The following MGAT4C variants were observed in gnomAD, a reference collection of about 807,000 sequenced individuals.
The protein encoded by MGAT4C is MGAT4 family member C, also known as alpha-1,3-mannosyl-glycoprotein 4-beta-N-acetylglucosaminyltransferase C.
A neutral mutation model predicts 40.1 loss-of-function variants in MGAT4C; 19 were observed. The ratio of observed to expected loss-of-function variants is 0.47; its 90% CI spans 0.33 to 0.70. The LOEUF (loss-of-function observed/expected upper bound fraction) is 0.70, where lower values mean the gene tolerates loss of function less well. Among genes scored for constraint, MGAT4C ranks in the 30% least tolerant of loss-of-function variants. The probability of loss-of-function intolerance (pLI) is 0.02; values close to 1 mark genes in which losing one functional copy is unlikely to be tolerated. For synonymous variants in MGAT4C, 181 were observed against 187.1 expected (o/e 0.97, Z 0.27); for missense variants, 491 against 563.2 (o/e 0.87, Z 1.30).
chr12:86,303,422 A>G (rs1218901855), intron 4 of MGAT4C, among the ~76,000 whole-genome samples: 2 of 150,514 alleles, frequency 1.3e-5, no homozygotes, highest in Non-Finnish European at 2.9e-5. Context: ...GAATAGATGA[A>G]ATCAGAATCT....
intron 2 of MGAT4C, among the ~76,000 whole-genome samples, chr12:86,030,299 T>C (rs530622552): frequency 1.3e-5 from 2 of 151,884 alleles, no homozygotes; most frequent in African/African-American, 4.8e-5. Context: ...AGAATGACAC[T>C]GGAGTTGAAA....
intron 2 of MGAT4C, among the ~76,000 whole-genome samples, chr12:86,015,323 T>C (rs748119276): frequency 1.3e-5 from 2 of 151,998 alleles, no homozygotes; most frequent in African/African-American, 2.4e-5. Flanking sequence ...ACTGGAGTGC[T>C]TCTAGCACTG....
At chr12:86,083,437 T>C (rs554977211) in intron 1 of MGAT4C, among the ~76,000 whole-genome samples, 3 of 152,214 alleles carry the variant, frequency 2.0e-5, no homozygotes, top group East Asian at 3.9e-4. Context: ...TTTATAGTAC[T>C]GTCCGCAGGG....
At chr12:85,983,196 T>C (rs1208875634) in intron 4 of MGAT4C, among the ~76,000 whole-genome samples, 2 of 152,234 alleles carry the variant, frequency 1.3e-5, no homozygotes, top group African/African-American at 4.8e-5. Flanking sequence ...TTAGAAAATG[T>C]AGCAATATGA....
At chr12:86,427,641 A>G (rs1253518904) in intron 3 of MGAT4C, among the ~76,000 whole-genome samples, 2 of 152,194 alleles carry the variant, frequency 1.3e-5, no homozygotes. Flanking sequence ...CATTCCATTT[A>G]TACTTGTGGA....
chr12:86,206,129 G>T (rs916024196), intron 1 of MGAT4C, among the ~76,000 whole-genome samples: 1 of 152,108 alleles, frequency 6.6e-6, no homozygotes, highest in Non-Finnish European at 1.5e-5. Flanking sequence ...CAATGTGGCA[G>T]TATTGAGAGA....
chr12:86,261,429 T>C (rs879859040), intron 4 of MGAT4C, among the ~76,000 whole-genome samples: 2 of 152,050 alleles, frequency 1.3e-5, no homozygotes, highest in Non-Finnish European at 2.9e-5. Flanking sequence ...TTCTTACTGG[T>C]CAGTTAACAT....
intron 2 of MGAT4C, among the ~76,000 whole-genome samples, chr12:86,667,697 T>C (rs1302517017): frequency 6.6e-6 from 1 of 152,232 alleles, no homozygotes; most frequent in Non-Finnish European, 1.5e-5. Context: ...TATTTATGAA[T>C]ACTAAAATTT....
At chr12:86,740,081 G>A (rs1016336484) in intron 1 of MGAT4C, among the ~76,000 whole-genome samples, 3 of 150,892 alleles carry the variant, frequency 2.0e-5, no homozygotes, top group Non-Finnish European at 4.5e-5. Flanking sequence ...AAAGATACTT[G>A]AAGCAAAATG....
At chr12:86,556,873 T>C (rs1959636233) in intron 2 of MGAT4C, among the ~76,000 whole-genome samples, 1 of 152,206 alleles carries the variant, frequency 6.6e-6, no homozygotes, top group Non-Finnish European at 1.5e-5. Flanking sequence ...TGTTGCACGT[T>C]ACATTAATAT....
chr12:86,374,288 T>C (rs966956326), intron 3 of MGAT4C, among the ~76,000 whole-genome samples: 2 of 152,088 alleles, frequency 1.3e-5, no homozygotes, highest in Non-Finnish European at 2.9e-5. Flanking sequence ...CTGAAGGAAG[T>C]TGATTTCTGA....
At position 86,142,545 on chromosome 12, in the gene MGAT4C, T is replaced by C. The variant is rs11103866; in HGVS notation, c.-56-92822A>G. On this transcript the variant is annotated intron_variant, in intron 1 of 4. Transcript: ENST00000611864. Reference sequence around the variant, plus strand: ...TGTCTCAGTATATACCAATCCTGCTTTCTCTCATTTTCATAGCTGTAGTTC... The same window carrying C: ...TGTCTCAGTATATACCAATCCTGCTCTCTCTCATTTTCATAGCTGTAGTTC... Among the ~76,000 whole-genome samples the C allele has an allele frequency of 0.014, 2,143 of 152,312 alleles. 171 individuals carry two copies. The East Asian group carries it at 0.25, about 18-fold the overall frequency.
At chr12:86,273,544 T>TGCACTTAA (rs1324653782) in intron 4 of MGAT4C, among the ~76,000 whole-genome samples, 1 of 152,156 alleles carries the variant, frequency 6.6e-6, no homozygotes. Flanking sequence ...GCAACATACA[T>TGCACTTAA]AATCTTTAAT....
chr12:86,640,496 CTTCT>C (rs1747981221), intron 2 of MGAT4C, among the ~76,000 whole-genome samples: 1 of 151,642 alleles, frequency 6.6e-6, no homozygotes, highest in Non-Finnish European at 1.5e-5. Flanking sequence ...TCTCTCTTTT[CTTCT>C]TTATTAGTCT....
At chr12:86,466,701 T>C (rs926534056) in intron 2 of MGAT4C, among the ~76,000 whole-genome samples, 1 of 152,200 alleles carries the variant, frequency 6.6e-6, no homozygotes, top group African/African-American at 2.4e-5. Context: ...TGAGTTACTA[T>C]GATGCATTAA....
At chr12:86,419,846 T>C (rs1956787520) in intron 3 of MGAT4C, among the ~76,000 whole-genome samples, 1 of 152,102 alleles carries the variant, frequency 6.6e-6, no homozygotes, top group Non-Finnish European at 1.5e-5. Flanking sequence ...TTAAGAGAGT[T>C]GTATCAGGGC....
chr12:86,754,284 C>A (rs973480762), intron 1 of MGAT4C, among the ~76,000 whole-genome samples: 1 of 151,922 alleles, frequency 6.6e-6, no homozygotes, highest in African/African-American at 2.4e-5. Flanking sequence ...CTACAAAAGG[C>A]AAACTGATCT....
Position 86,156,902 on chromosome 12 carries a change from A to AT in MGAT4C, c.-57+99336dup, listed in dbSNP as rs532646577. On this transcript the variant is annotated intron_variant, in intron 1 of 4. Coordinates refer to ENST00000611864, the MANE Select transcript of MGAT4C (RefSeq NM_001351288.2). ...TAATTCTCCAGAAGAAAATAGCTTA[A>AT]TTTTTTTTAAATAAAGCTAATGGGC... 8.6e-5 allele frequency among the ~76,000 whole-genome samples: 13 copies of AT among 151,956 alleles called. 1 individual carries two copies. The highest frequency in any genetic ancestry group is 3.9e-4 in the East Asian group (2 of 5,172).
intron 3 of MGAT4C, among the ~76,000 whole-genome samples, chr12:86,353,001 A>G (rs1257872856): frequency 6.6e-6 from 1 of 150,842 alleles, no homozygotes; most frequent in African/African-American, 2.4e-5. Flanking sequence ...CATGTACCCT[A>G]AAACTTAAAG....
Sources: gnomAD v4.1 joint callset for allele counts (sites outside exome capture counted in the v4.1 genomes callset) on GRCh38, gnomAD v4.1.1 for gene constraint, MANE v1.5 for transcripts, NCBI Gene and HGNC (gene_info 2026-07-23, HGNC 2026-07-21) for gene names.